Variants in SLC35E4 observed in about 807,000 individuals in gnomAD.
SLC35E4 encodes solute carrier family 35, member E4.
SLC35E4 carries 15 observed loss-of-function variants against 19.3 expected under a neutral mutation model. The ratio of observed to expected loss-of-function variants is 0.78; its 90% CI spans 0.52 to 1.20. SLC35E4 has a LOEUF of 1.20. SLC35E4 is among the 50% of genes most tolerant of loss of function. The pLI is 0.00. For synonymous variants in SLC35E4, 219 were observed against 219.9 expected, an observed-to-expected ratio of 1.00 and a Z score of 0.04; for missense variants, 406 against 472.3, an observed-to-expected ratio of 0.86 and a Z score of 1.30.
intron 1 of SLC35E4, among the ~76,000 whole-genome samples, chr22:30,642,037 G>C (rs981679640): frequency 6.6e-6 from 1 of 151,878 alleles, no homozygotes; most frequent in South Asian, 2.1e-4. Flanking sequence ...TTGTTTGTTT[G>C]TTTATGAGAG....
intron 1 of SLC35E4, among the ~76,000 whole-genome samples, chr22:30,641,759 CTA>C (rs1208254620): frequency 1.6e-5 from 2 of 127,466 alleles, no homozygotes; most frequent in East Asian, 4.7e-4. Context: ...AACAGGCTCA[CTA>C]TGTTGCCCAG....
rs774613450 is a variant in SLC35E4, at chr22:30,646,705, G to A, written c.727G>A (p.Val243Ile). 21 of 1,612,396 alleles carry A rather than the reference G, an allele frequency of 1.3e-5. 1 individual carries two copies. The South Asian group carries it at 1.3e-4, about 10-fold the overall frequency. Residue 243 changes from valine to isoleucine, a missense_variant, in exon 2 of 2, where the codon GTT becomes ATT. Physicochemically the swap from Val to Ile is conservative, Grantham distance 29 (BLOSUM62 3). Coordinates refer to ENST00000343605, the MANE Select transcript of SLC35E4 (RefSeq NM_001001479.4). ...TGCAGCCCTGGTGCTGGAGGCTGGC[G>A]TTGCCCCACCGCCCACTGCTGGCGA... is the stretch of plus-strand genomic sequence containing the variant. The part of the protein sequence containing the change: ...AGAALVLEAG[V>I]APPPTAGDSR...
At chr22:30,642,719 G>A (rs118153100) in intron 1 of SLC35E4, among the ~76,000 whole-genome samples, 4,317 of 133,608 alleles carry the variant, frequency 0.032, 104 homozygotes, top group Non-Finnish European at 0.044. Context: ...CTCTAGCCTG[G>A]GCAACATCTC....
downstream of SLC35E4, chr22:30,663,980 GA>G: frequency 1.2e-6 from 2 of 1,613,908 alleles, no homozygotes; most frequent in South Asian, 1.1e-5. Context: ...ACTGAACTGG[GA>G]AGGCACACGA....
In SLC35E4 at chr22:30,636,544, G is replaced by T. The variant is rs1230924190; in HGVS notation, c.94G>T (p.Glu32Ter). The T allele has an allele frequency of 1.3e-6, 2 of 1,560,664 alleles. No individual in the cohort carries two copies. Among genetic ancestry groups the T allele is most frequent in the South Asian group, 1.2e-5 (1 of 85,860 alleles). The change falls in exon 1 of 2, where the codon GAG (glutamate) becomes TAG (stop). Residue 32 changes from glutamate (E) to a stop codon, truncating the protein, a stop_gained. Coordinates refer to ENST00000343605, the MANE Select transcript of SLC35E4 (RefSeq NM_001001479.4). LOFTEE classifies it high-confidence loss of function. Reference protein sequence around the residue: ...AGGAQAAGPPEWPPGSPQALR... With the variant: ...AGGAQAAGPP ...TGGTGCTCAGGCGGCTGGGCCCCCCGAGTGGCCCCCTGGCAGCCCTCAGGC... is the reference window on the plus strand; with the variant it reads ...TGGTGCTCAGGCGGCTGGGCCCCCCTAGTGGCCCCCTGGCAGCCCTCAGGC...
downstream of SLC35E4, among the ~76,000 whole-genome samples, chr22:30,648,732 AAAAAG>A (rs1213660357): frequency 6.6e-6 from 1 of 152,140 alleles, no homozygotes; most frequent in African/African-American, 2.4e-5. Flanking sequence ...CTCCATCTCA[AAAAAG>A]AAAAGAAAAA....
chr22:30,638,226 G>A (rs1391332844), intron 1 of SLC35E4, among the ~76,000 whole-genome samples: 1 of 151,864 alleles, frequency 6.6e-6, no homozygotes, highest in Non-Finnish European at 1.5e-5. Context: ...TTGGGGCCGG[G>A]CGCGGTGTCT....
At chr22:30,653,259 C>G (rs962422958) in intron 2 of SLC35E4, among the ~76,000 whole-genome samples, 4 of 152,108 alleles carry the variant, frequency 2.6e-5, no homozygotes, top group Non-Finnish European at 5.9e-5. Flanking sequence ...TGCCCTGAAC[C>G]CTTCGGCTAT....
intron 1 of SLC35E4, among the ~76,000 whole-genome samples, chr22:30,643,878 G>C (rs893742691): frequency 2.0e-5 from 3 of 152,228 alleles, no homozygotes; most frequent in Admixed American, 6.5e-5. Context: ...GGACAAACAG[G>C]CTGACATTTT....
chr22:30,642,890 TGTGGTGGTG>T (rs2088068786), intron 1 of SLC35E4, among the ~76,000 whole-genome samples: 1 of 150,614 alleles, frequency 6.6e-6, no homozygotes, highest in African/African-American at 2.4e-5. Context: ...AATAGCCAGG[TGTGGTGGTG>T]GGCACCTGTA....
downstream of SLC35E4, chr22:30,663,609 G>A (rs372836051): frequency 1.7e-5 from 28 of 1,614,230 alleles, no homozygotes; most frequent in African/African-American, 1.7e-4. Context: ...CTTGGTCCAC[G>A]TGTGGGCGTC....
intron 1 of SLC35E4, among the ~76,000 whole-genome samples, chr22:30,645,817 C>T (rs939556881): frequency 1.1e-4 from 14 of 132,840 alleles, no homozygotes; most frequent in African/African-American, 4.1e-4. Flanking sequence ...TGTACCTGAC[C>T]GATTTTTTTT....
At position 30,637,006 on chromosome 22, in the gene SLC35E4, C is replaced by G. The variant is rs371819164; in HGVS notation, c.556C>G (p.Pro186Ala). ...CCTGGCTGGAGAGTTCCGGACACCC[C>G]CTACCGGCTGTGGCTTCCTGCTCGC... ...CSLAGEFRTPPTGCGFLLAAT... is the reference protein window; with the variant it reads ...CSLAGEFRTPATGCGFLLAAT... Residue 186 changes from proline to alanine, a missense_variant, in exon 1 of 2, where the codon CCT becomes GCT. By Grantham distance (27) the Pro-to-Ala change is conservative. Transcript: ENST00000343605. 21 of 1,602,614 alleles carry G rather than the reference C, an allele frequency of 1.3e-5. No homozygotes were observed. In the East Asian group the frequency reaches 2.9e-4, roughly 22 times the overall value.
downstream of SLC35E4, among the ~76,000 whole-genome samples, chr22:30,651,401 A>G (rs13054630): frequency 0.076 from 4,209 of 55,420 alleles, 130 homozygotes; most frequent in Middle Eastern, 0.1. Flanking sequence ...GTGTGTGTGT[A>G]TATATATATA....
chr22:30,642,535 C>T lies in SLC35E4; in HGVS notation c.620-4063C>T, dbSNP rs892116638. ...GGCAGCTCACTTGAGGTCAGGAGTT[C>T]GAGACCAGCCTGGCCAGCATGGTGA... On this transcript the variant is annotated intron_variant, in intron 1 of 1. Transcript: ENST00000343605. Among the ~76,000 whole-genome samples, 5 of 151,116 alleles carry T rather than the reference C, an allele frequency of 3.3e-5. No individual in the cohort carries two copies. In the East Asian group the frequency reaches 6.0e-4, roughly 18 times the overall value.
intron 2 of SLC35E4, chr22:30,654,563 C>T (rs763604751): frequency 1.1e-4 from 51 of 448,526 alleles, no homozygotes; most frequent in Non-Finnish European, 1.9e-4. Context: ...CCTCGGGGTC[C>T]GCCAGAAGAT....
downstream of SLC35E4, among the ~76,000 whole-genome samples, chr22:30,666,621 CAAAAAAAAAAAAAA>C (rs55979351): frequency 1.6e-5 from 1 of 62,498 alleles, no homozygotes; most frequent in Non-Finnish European, 2.6e-5. Context: ...GACTCCATCT[CAAAAAAAAAAAAAA>C]AAAAAAAAAA....
At chr22:30,638,215 A>T (rs2087980431) in intron 1 of SLC35E4, among the ~76,000 whole-genome samples, 1 of 150,272 alleles carries the variant, frequency 6.7e-6, no homozygotes, top group Non-Finnish European at 1.5e-5. Flanking sequence ...AAATACAAAA[A>T]TTGGGGCCGG....
intron 1 of SLC35E4, among the ~76,000 whole-genome samples, chr22:30,645,265 T>C (rs959765916): frequency 6.6e-5 from 10 of 152,006 alleles, no homozygotes; most frequent in Non-Finnish European, 1.5e-5. Context: ...GGAAAGGTGG[T>C]TGGGGCCAGT....
Sources: gnomAD v4.1 joint callset for allele counts (sites outside exome capture counted in the v4.1 genomes callset) on GRCh38, gnomAD v4.1.1 for gene constraint, MANE v1.5 for transcripts, NCBI Gene and HGNC (gene_info 2026-07-23, HGNC 2026-07-21) for gene names.